The following TSGA10 variants were observed in gnomAD, a reference collection of about 807,000 sequenced individuals.
The protein encoded by TSGA10 is testis-specific gene 10 protein.
A neutral mutation model predicts 96.6 loss-of-function variants in TSGA10; 43 were observed. That is an observed-to-expected ratio of 0.44 (90% CI 0.35 to 0.57). The LOEUF (loss-of-function observed/expected upper bound fraction) is 0.57. TSGA10 is among the 20% of genes least tolerant of loss of function. The probability of loss-of-function intolerance (pLI) is 0.01; values close to 1 mark genes in which losing one functional copy is unlikely to be tolerated. For missense variants in TSGA10, 703 were observed against 834.4 expected, an observed-to-expected ratio of 0.84 and a Z score of 1.94; for synonymous variants, 229 against 269.9, an observed-to-expected ratio of 0.85 and a Z score of 1.48.
chr2:99,059,353 G>A (rs2084384333), intron 16 of TSGA10, among the ~76,000 whole-genome samples: 1 of 151,820 alleles, frequency 6.6e-6, no homozygotes, highest in Non-Finnish European at 1.5e-5. Context: ...AGTAAACTTA[G>A]GCCAGGCATG....
At chr2:99,140,082 G>A (rs1023915365) in intron 1 of TSGA10, among the ~76,000 whole-genome samples, 1 of 152,084 alleles carries the variant, frequency 6.6e-6, no homozygotes, top group Admixed American at 6.5e-5. Flanking sequence ...TTCTTCAGAA[G>A]GTAAACAGTA....
At chr2:99,023,436 C>CTAT (rs973505814) in intron 17 of TSGA10, among the ~76,000 whole-genome samples, 1 of 151,746 alleles carries the variant, frequency 6.6e-6, no homozygotes, top group African/African-American at 2.4e-5. Context: ...TCTACTTAAT[C>CTAT]TATTTTTTTT....
chr2:99,105,535 T>C lies in TSGA10; in HGVS notation c.373A>G (p.Arg125Gly), dbSNP rs754210890. ...MTTERDSLRERLKIAQETAFN... is the reference protein window; with the variant it reads ...MTTERDSLREGLKIAQETAFN... ...ATAAAATCCTTTCCAACCTTTAGCC[T>C]CTCCCTTAGACTATCTCGTTCTGTG... is the stretch of plus-strand genomic sequence containing the variant. The change falls in exon 8 of 21, where the codon AGG (arginine) becomes GGG (glycine). Residue 125 changes from arginine to glycine, a missense_variant. By Grantham distance (125) the Arg-to-Gly change is moderately radical. Around this residue, in one of 3 missense-constraint regions of TSGA10, gnomAD observed 585 missense variants for 656.8 expected, o/e 0.89. Transcript: ENST00000393483. The C allele has an allele frequency of 6.2e-7, 1 of 1,613,338 alleles. No individual in the cohort carries two copies. The highest frequency in any genetic ancestry group is 8.5e-7 in the Non-Finnish European group (1 of 1,179,424).
intron 4 of TSGA10, among the ~76,000 whole-genome samples, chr2:99,113,151 A>G (rs952637236): frequency 2.6e-5 from 4 of 152,118 alleles, no homozygotes; most frequent in African/African-American, 9.7e-5. Context: ...GAATAAACGA[A>G]GGCATATAGT....
At chr2:99,012,012 A>G (rs1227763615) in intron 20 of TSGA10, among the ~76,000 whole-genome samples, 1 of 152,212 alleles carries the variant, frequency 6.6e-6, no homozygotes, top group African/African-American at 2.4e-5. Flanking sequence ...CCTACAAGCC[A>G]GAAGGGATTG....
At chr2:99,102,828 C>A (rs960017526) in intron 10 of TSGA10, 3 of 1,203,174 alleles carry the variant, frequency 2.5e-6, no homozygotes, top group Admixed American at 1.7e-5. Context: ...TAAATATAAA[C>A]CTAAATATTT....
intron 17 of TSGA10, among the ~76,000 whole-genome samples, chr2:99,024,099 C>CT (rs59387881): frequency 0.36 from 53,545 of 147,564 alleles, 11,035 homozygotes; most frequent in African/African-American, 0.58. Context: ...AAGTATTTGT[C>CT]TTTTTTTTTT....
At chr2:99,130,530 T>C (rs963362796) in intron 1 of TSGA10, among the ~76,000 whole-genome samples, 1 of 152,362 alleles carries the variant, frequency 6.6e-6, no homozygotes, top group African/African-American at 2.4e-5. Context: ...TATTAACCTT[T>C]TGTCAGATGG....
chr2:99,005,492 C>T (rs7572895), intron 20 of TSGA10, among the ~76,000 whole-genome samples: 53,142 of 151,720 alleles, frequency 0.35, 10,604 homozygotes, highest in African/African-American at 0.55. Context: ...TTCTTATACA[C>T]CAATAACAGA....
intron 1 of TSGA10, among the ~76,000 whole-genome samples, chr2:99,136,794 A>G (rs796270172): frequency 0.014 from 1,502 of 109,190 alleles, 241 homozygotes; most frequent in African/African-American, 0.058. Flanking sequence ...GCGAGACTCC[A>G]TCTCAAAAAA....
chr2:99,110,026 A>G (rs2091666416), intron 5 of TSGA10, among the ~76,000 whole-genome samples: 1 of 152,134 alleles, frequency 6.6e-6, no homozygotes, highest in Non-Finnish European at 1.5e-5. Context: ...TTAGCTGGGC[A>G]TGGTGGCGTG....
intron 20 of TSGA10, among the ~76,000 whole-genome samples, chr2:99,016,461 G>C (rs558142188): frequency 2.2e-4 from 34 of 152,090 alleles, no homozygotes; most frequent in African/African-American, 7.7e-4. Context: ...GAATGAAACT[G>C]GATCCTCATC....
chr2:99,004,449 A>G (rs1307762411), intron 20 of TSGA10, among the ~76,000 whole-genome samples: 1 of 151,558 alleles, frequency 6.6e-6, no homozygotes, highest in Non-Finnish European at 1.5e-5. Context: ...ATAAAAAATG[A>G]TAAAGGGGAT....
chr2:99,143,117 C>CCTG (rs1424568072), intron 1 of TSGA10, among the ~76,000 whole-genome samples: 1 of 151,100 alleles, frequency 6.6e-6, no homozygotes, highest in African/African-American at 2.4e-5. Flanking sequence ...AGTGTCCCAC[C>CCTG]CTGCCCCAAC....
At chr2:99,089,907 C>T (rs1325563402) in intron 10 of TSGA10, among the ~76,000 whole-genome samples, 1 of 152,192 alleles carries the variant, frequency 6.6e-6, no homozygotes, top group Admixed American at 6.5e-5. Flanking sequence ...ACTACCATAG[C>T]TGATGCTCTC....
intron 20 of TSGA10, among the ~76,000 whole-genome samples, chr2:99,011,380 C>G (rs2078994149): frequency 1.3e-5 from 2 of 152,182 alleles, no homozygotes; most frequent in Admixed American, 1.3e-4. Flanking sequence ...GATCTGCCCA[C>G]CTCGGCCTCC....
At chr2:98,998,836 T>C (rs1039286773) in intron 20 of TSGA10, among the ~76,000 whole-genome samples, 2 of 152,190 alleles carry the variant, frequency 1.3e-5, no homozygotes, top group African/African-American at 4.8e-5. Context: ...TAAGGATATG[T>C]GGGACTGTCT....
At chr2:99,123,468 C>T (rs759871357) in intron 2 of TSGA10, among the ~76,000 whole-genome samples, 3 of 152,250 alleles carry the variant, frequency 2.0e-5, no homozygotes, top group Non-Finnish European at 2.9e-5. Context: ...CTCCTCCATT[C>T]TATTGAGAAC....
chr2:99,130,349 GTGGTTT>G (rs2093017932), intron 1 of TSGA10, among the ~76,000 whole-genome samples: 2 of 152,126 alleles, frequency 1.3e-5, no homozygotes, highest in South Asian at 4.1e-4. Flanking sequence ...GTATCTCATT[GTGGTTT>G]TGATTTGCAT....
Sources: gnomAD v4.1 joint callset for allele counts (sites outside exome capture counted in the v4.1 genomes callset) on GRCh38, gnomAD v4.1.1 for gene constraint, gnomAD v4.1.1 regional missense constraint, MANE v1.5 for transcripts, NCBI Gene and HGNC (gene_info 2026-07-23, HGNC 2026-07-21) for gene names.